Variants in MAPKAP1 observed in about 807,000 individuals in gnomAD.
The protein encoded by MAPKAP1 is target of rapamycin complex 2 subunit MAPKAP1.
MAPKAP1 carries 20 observed loss-of-function variants against 65.7 expected under a neutral mutation model. The observed-to-expected ratio is 0.30, with a 90% CI of 0.21 to 0.44. The LOEUF is 0.44. MAPKAP1 is among the 20% of genes least tolerant of loss of function. The probability of loss-of-function intolerance (pLI) is 1.00; values close to 1 mark genes in which losing one functional copy is unlikely to be tolerated. For missense variants in MAPKAP1, 423 were observed against 648.0 expected (o/e 0.65, Z 3.77); for synonymous variants, 222 against 244.3 (o/e 0.91, Z 0.85).
intron 6 of MAPKAP1, among the ~76,000 whole-genome samples, chr9:125,547,763 T>C (rs2133184470): frequency 6.6e-6 from 1 of 152,298 alleles, no homozygotes; most frequent in South Asian, 2.1e-4. Flanking sequence ...TATCAGTGAG[T>C]AGCCTGTGGC....
In MAPKAP1 at chr9:125,581,216, C is replaced by A. The variant is rs1831614621; in HGVS notation, c.671+4339G>T. Among the ~76,000 whole-genome samples, 3 of 152,212 alleles carry A rather than the reference C, an allele frequency of 2.0e-5. No homozygotes were observed. The South Asian group carries it at 6.2e-4, about 32-fold the overall frequency. ...AGTTTTCACTGCTCTGGAATAAATG[C>A]CCAAGAGGGCAATTGCTGGGTTGTA... is the stretch of plus-strand genomic sequence containing the variant. On this transcript the variant is annotated intron_variant, in intron 5 of 11. Transcript: ENST00000265960.
chr9:125,696,424 A>AC (rs957480653), intron 1 of MAPKAP1: 1 of 145,364 alleles, frequency 6.9e-6, no homozygotes, highest in Non-Finnish European at 1.5e-5. Flanking sequence ...AAAAAAAACA[A>AC]AAAAAAAACA....
intron 4 of MAPKAP1, among the ~76,000 whole-genome samples, chr9:125,610,354 T>C (rs1832562942): frequency 1.3e-5 from 2 of 152,336 alleles, no homozygotes; most frequent in South Asian, 4.1e-4. Context: ...AAAAGAGCTA[T>C]TTTATCTGAC....
chr9:125,578,690 A>C (rs1831525144), intron 5 of MAPKAP1, among the ~76,000 whole-genome samples: 1 of 152,218 alleles, frequency 6.6e-6, no homozygotes, highest in Non-Finnish European at 1.5e-5. Flanking sequence ...ACTGATAATA[A>C]AGACACAAAA....
intron 5 of MAPKAP1, among the ~76,000 whole-genome samples, chr9:125,575,632 T>C (rs1831370944): frequency 6.6e-6 from 1 of 152,084 alleles, no homozygotes; most frequent in Non-Finnish European, 1.5e-5. Context: ...AATTAGGGAA[T>C]TACAAATTAA....
At chr9:125,666,721 G>A (rs1024101988) in intron 3 of MAPKAP1, among the ~76,000 whole-genome samples, 1 of 152,206 alleles carries the variant, frequency 6.6e-6, no homozygotes, top group Non-Finnish European at 1.5e-5. Flanking sequence ...GAGAGAGTAC[G>A]TTTGTGGGAG....
chr9:125,618,167 C>A (rs892640560), intron 4 of MAPKAP1, among the ~76,000 whole-genome samples: 13 of 151,514 alleles, frequency 8.6e-5, no homozygotes, highest in Non-Finnish European at 1.5e-4. Flanking sequence ...CATAGTGAAA[C>A]CCCATCTCTA....
chr9:125,626,904 G>A (rs1435996308), intron 4 of MAPKAP1, among the ~76,000 whole-genome samples: 1 of 152,202 alleles, frequency 6.6e-6, no homozygotes, highest in African/African-American at 2.4e-5. Context: ...AGAGGCTTAT[G>A]TATCTAATTT....
intron 1 of MAPKAP1, among the ~76,000 whole-genome samples, chr9:125,690,671 AAG>A (rs1284231414): frequency 1.3e-5 from 2 of 152,212 alleles, no homozygotes; most frequent in African/African-American, 4.8e-5. Context: ...TCCCTGGTCT[AAG>A]ATGAATCTTC....
At chr9:125,574,212 G>C (rs1831324565) in intron 5 of MAPKAP1, among the ~76,000 whole-genome samples, 1 of 152,144 alleles carries the variant, frequency 6.6e-6, no homozygotes, top group Non-Finnish European at 1.5e-5. Context: ...TGAATACTTA[G>C]GGTCTGAAAC....
Position 125,517,836 on chromosome 9 carries a change from C to T in MAPKAP1, c.959-11419G>A, listed in dbSNP as rs550444914. Among the ~76,000 whole-genome samples, 30 of 152,294 alleles carry T rather than the reference C, an allele frequency of 2.0e-4. 1 individual carries two copies. The South Asian group carries it at 4.3e-3, about 22-fold the overall frequency. On this transcript the variant is annotated intron_variant, in intron 7 of 11. Coordinates refer to ENST00000265960, the MANE Select transcript of MAPKAP1 (RefSeq NM_001006617.3). ...CTGTCAGAATTAAGAGCTCTTTCAT[C>T]CCACCTTCCTTGGGACCTTGCTTTT... is the stretch of plus-strand genomic sequence containing the variant.
intron 1 of MAPKAP1, among the ~76,000 whole-genome samples, chr9:125,680,241 G>A (rs1834782438): frequency 2.0e-5 from 3 of 151,584 alleles, no homozygotes; most frequent in Non-Finnish European, 4.4e-5. Flanking sequence ...TACAAGTGAG[G>A]GGAGAAAAAA....
intron 1 of MAPKAP1, among the ~76,000 whole-genome samples, chr9:125,685,263 G>GT (rs1259778968): frequency 6.6e-6 from 1 of 151,870 alleles, no homozygotes; most frequent in East Asian, 1.9e-4. Flanking sequence ...CGGTGGAGCC[G>GT]TGAGTTGCAA....
At chr9:125,527,803 A>T (rs769027610) in intron 7 of MAPKAP1, among the ~76,000 whole-genome samples, 1 of 152,226 alleles carries the variant, frequency 6.6e-6, no homozygotes. Flanking sequence ...AGAGATCCAC[A>T]TCATTACGGG....
intron 4 of MAPKAP1, among the ~76,000 whole-genome samples, chr9:125,657,366 G>T (rs2131752330): frequency 6.6e-6 from 1 of 151,452 alleles, no homozygotes; most frequent in Admixed American, 6.6e-5. Flanking sequence ...TGTTGGGGAG[G>T]ATTAAAACAC....
chr9:125,473,105 T>C (rs1158343146), intron 9 of MAPKAP1, among the ~76,000 whole-genome samples: 4 of 151,812 alleles, frequency 2.6e-5, no homozygotes, highest in Admixed American at 2.6e-4. Flanking sequence ...TTAGCAGAAT[T>C]TCTTTAACAG....
At chr9:125,516,372 C>T (rs1032374174) in intron 7 of MAPKAP1, among the ~76,000 whole-genome samples, 2 of 152,174 alleles carry the variant, frequency 1.3e-5, no homozygotes, top group East Asian at 3.9e-4. Context: ...CTGGAAGAGG[C>T]CTAATTTTTA....
At chr9:125,449,331 G>A (rs1852852452) in intron 10 of MAPKAP1, among the ~76,000 whole-genome samples, 4 of 152,158 alleles carry the variant, frequency 2.6e-5, no homozygotes, top group African/African-American at 7.2e-5. Context: ...CCTGCATATA[G>A]CAGGGAGGTG....
At chr9:125,490,412 G>A (rs775494794) in intron 8 of MAPKAP1, among the ~76,000 whole-genome samples, 2 of 152,030 alleles carry the variant, frequency 1.3e-5, no homozygotes, top group East Asian at 1.9e-4. Flanking sequence ...GGTGGCATAC[G>A]CCTGTAATCT....
Sources: allele counts gnomAD v4.1 joint callset (sites outside exome capture counted in the v4.1 genomes callset), GRCh38; gene constraint gnomAD v4.1.1; transcripts MANE v1.5; gene names NCBI Gene and HGNC (gene_info 2026-07-23, HGNC 2026-07-21).